Variants in AGMO observed in about 807,000 individuals in gnomAD.
The protein encoded by AGMO is glyceryl-ether monooxygenase.
A neutral mutation model predicts 60.2 loss-of-function variants in AGMO; 75 were observed. The ratio of observed to expected loss-of-function variants is 1.25; its 90% confidence interval spans 1.03 to 1.51. AGMO has a LOEUF of 1.51. Ranked by LOEUF, AGMO falls within the 40% of genes most tolerant of loss-of-function variation. The probability of loss-of-function intolerance (pLI) is 0.00; values close to 1 mark genes in which losing one functional copy is unlikely to be tolerated. For missense variants in AGMO, 763 were observed against 525.5 expected, an observed-to-expected ratio of 1.45 and a Z score of -4.42; for synonymous variants, 261 against 177.1, an observed-to-expected ratio of 1.47 and a Z score of -3.76.
In AGMO at chr7:15,385,662, T is replaced by C. The variant is rs1479521544; in HGVS notation, c.958-100A>G. ...TTTGAAAAAAGTATCTGCTATTTTT[T>C]TTAAAAAAAGACAAACATAATTTTT... On this transcript the variant is annotated intron_variant, in intron 9 of 12. Transcript: ENST00000342526. 5 of 731,536 alleles carry C rather than the reference T, an allele frequency of 6.8e-6. No homozygotes were observed. In the East Asian group the frequency reaches 1.3e-4, roughly 19 times the overall value. 45.3% of individuals were successfully genotyped at this position (731,536 alleles called of 1,614,324 possible).
intron 5 of AGMO, among the ~76,000 whole-genome samples, chr7:15,397,487 G>A (rs562625289): frequency 1.0e-3 from 155 of 152,264 alleles, no homozygotes; most frequent in African/African-American, 3.3e-3. Context: ...CTCCTCGAGC[G>A]CGGCCAGAGC....
At chr7:15,361,616 T>TA (rs1298345824) in intron 12 of AGMO, among the ~76,000 whole-genome samples, 3 of 148,872 alleles carry the variant, frequency 2.0e-5, no homozygotes, top group Admixed American at 2.0e-4. Context: ...ATCACCAAAT[T>TA]AAAAAAAAGA....
intron 3 of AGMO, among the ~76,000 whole-genome samples, chr7:15,453,492 A>C (rs1167816508): frequency 1.3e-5 from 2 of 152,232 alleles, no homozygotes; most frequent in Admixed American, 1.3e-4. Flanking sequence ...CTGCCTTAAC[A>C]AACAGTTGAG....
At chr7:15,216,360 C>A (rs530165436) in intron 12 of AGMO, among the ~76,000 whole-genome samples, 1 of 152,078 alleles carries the variant, frequency 6.6e-6, no homozygotes, top group Non-Finnish European at 1.5e-5. Context: ...ACTACACTTT[C>A]TGCACTGCTA....
At chr7:15,243,502 G>C (rs4721421) in intron 12 of AGMO, among the ~76,000 whole-genome samples, 117,024 of 152,024 alleles carry the variant, frequency 0.77, 45,539 homozygotes, top group African/African-American at 0.87. Context: ...GGCGTATGAC[G>C]GATAGCTATG....
chr7:15,523,138 A>G (rs936383310), intron 3 of AGMO, among the ~76,000 whole-genome samples: 7 of 152,248 alleles, frequency 4.6e-5, no homozygotes, highest in African/African-American at 1.4e-4. Context: ...CAAAACCACA[A>G]TGAGATACCA....
chr7:15,220,386 A>G (rs1359845893), intron 12 of AGMO, among the ~76,000 whole-genome samples: 1 of 147,414 alleles, frequency 6.8e-6, no homozygotes, highest in African/African-American at 2.6e-5. Context: ...ATTCCTGGCT[A>G]ATTTTTTTTT....
chr7:15,498,400 C>G (rs1783292865), intron 3 of AGMO, among the ~76,000 whole-genome samples: 1 of 151,992 alleles, frequency 6.6e-6, no homozygotes, highest in Non-Finnish European at 1.5e-5. Context: ...AGATATTACT[C>G]TGCTAACTTA....
At chr7:15,343,052 A>C (rs1781916063) in intron 12 of AGMO, among the ~76,000 whole-genome samples, 1 of 152,136 alleles carries the variant, frequency 6.6e-6, no homozygotes, top group African/African-American at 2.4e-5. Context: ...ATATTATACA[A>C]GTGGAAAACC....
chr7:15,182,687 G>A, the AGMO span, among the ~76,000 whole-genome samples: 1,217 of 152,272 alleles, frequency 8.0e-3, 20 homozygotes, highest in African/African-American at 0.028. Context: ...AAAGTGCTGC[G>A]ATTATAGGAA....
At chr7:15,241,692 T>C (rs1344907739) in intron 12 of AGMO, among the ~76,000 whole-genome samples, 3 of 151,056 alleles carry the variant, frequency 2.0e-5, no homozygotes, top group Non-Finnish European at 1.5e-5. Flanking sequence ...CCAAAACCAC[T>C]GTGTAACAAA....
chr7:15,252,744 T>A (rs955443280), intron 12 of AGMO, among the ~76,000 whole-genome samples: 1 of 152,176 alleles, frequency 6.6e-6, no homozygotes, highest in African/African-American at 2.4e-5. Context: ...GCCTGTTAGA[T>A]TTCCAGCTGG....
rs181368453 is a variant in AGMO, at chr7:15,305,745, G to C, written c.1263+59769C>G. Reference sequence around the variant, plus strand: ...TTATATAAGCAACTCGGTTTCTACTGTGTCATTATAAATGAAGACTAGAAT... The same window carrying C: ...TTATATAAGCAACTCGGTTTCTACTCTGTCATTATAAATGAAGACTAGAAT... On this transcript the variant is annotated intron_variant, in intron 12 of 12. Transcript: ENST00000342526. 1.7e-3 allele frequency among the ~76,000 whole-genome samples: 256 copies of C among 152,022 alleles called. 1 individual carries two copies. The highest frequency in any genetic ancestry group is 2.9e-3 in the Non-Finnish European group (199 of 67,910).
At chr7:15,195,279 A>G in the AGMO span, among the ~76,000 whole-genome samples, 1 of 152,186 alleles carries the variant, frequency 6.6e-6, no homozygotes, top group Non-Finnish European at 1.5e-5. Context: ...TGAGTTGAAG[A>G]GCAGAGGTTT....
the AGMO span, among the ~76,000 whole-genome samples, chr7:15,181,773 C>T: frequency 1.2e-4 from 18 of 152,118 alleles, no homozygotes; most frequent in Non-Finnish European, 2.6e-4. Flanking sequence ...TGTACAGCTC[C>T]TGAGAAAGCA....
chr7:15,234,057 C>T (rs113368682), intron 12 of AGMO, among the ~76,000 whole-genome samples: 2 of 152,140 alleles, frequency 1.3e-5, no homozygotes, highest in African/African-American at 4.8e-5. Flanking sequence ...TCAACACAAA[C>T]AAACAATAAC....
At chr7:15,346,456 G>A (rs951002049) in intron 12 of AGMO, among the ~76,000 whole-genome samples, 1 of 151,750 alleles carries the variant, frequency 6.6e-6, no homozygotes, top group Admixed American at 6.6e-5. Flanking sequence ...GGATTTAATT[G>A]TAAAACAGGC....
At chr7:15,138,324 G>A in the AGMO span, among the ~76,000 whole-genome samples, 12,931 of 152,102 alleles carry the variant, frequency 0.085, 1,089 homozygotes, top group African/African-American at 0.22. Context: ...TTTTGTATAC[G>A]TCTCACGACT....
At chr7:15,244,500 G>A (rs1023072960) in intron 12 of AGMO, among the ~76,000 whole-genome samples, 1 of 152,104 alleles carries the variant, frequency 6.6e-6, no homozygotes, top group Non-Finnish European at 1.5e-5. Context: ...TAGAACAAAA[G>A]CTAATAAATG....
Sources: gnomAD v4.1 joint callset for allele counts (sites outside exome capture counted in the v4.1 genomes callset) on GRCh38, gnomAD v4.1.1 for gene constraint, MANE v1.5 for transcripts, NCBI Gene and HGNC (gene_info 2026-07-23, HGNC 2026-07-21) for gene names.